The following PEX5L variants were observed in gnomAD, a reference collection of about 807,000 sequenced individuals.
The protein encoded by PEX5L is peroxisomal biogenesis factor 5 like, also known as PEX5-related protein.
PEX5L carries 30 observed loss-of-function variants against 84.0 expected under a neutral mutation model. That is an observed-to-expected ratio of 0.36 (90% CI 0.27 to 0.48). The LOEUF is 0.48. Ranked by LOEUF, PEX5L falls within the 20% of genes least tolerant of loss-of-function variation. The pLI is 0.99. For synonymous variants in PEX5L, 270 were observed against 283.1 expected, an observed-to-expected ratio of 0.95 and a Z score of 0.46; for missense variants, 533 against 754.6, an observed-to-expected ratio of 0.71 and a Z score of 3.44.
At chr3:179,807,258 GA>G (rs71789036) in intron 14 of PEX5L, among the ~76,000 whole-genome samples, 35,075 of 152,066 alleles carry the variant, frequency 0.23, 4,531 homozygotes, top group African/African-American at 0.36. Flanking sequence ...GGGACTTTCT[GA>G]AAGTCATTTT....
At chr3:179,848,551 C>CAA (rs377561010) in intron 8 of PEX5L, among the ~76,000 whole-genome samples, 1,693 of 95,670 alleles carry the variant, frequency 0.018, 29 homozygotes, top group African/African-American at 0.032. Context: ...AAACCTCTCT[C>CAA]AAAAAAAAAA....
intron 5 of PEX5L, among the ~76,000 whole-genome samples, chr3:179,878,713 A>G (rs1411727448): frequency 6.6e-6 from 1 of 152,190 alleles, no homozygotes; most frequent in Non-Finnish European, 1.5e-5. Context: ...CAGCTCACAT[A>G]GTACCTCTTG....
At chr3:179,815,276 C>T (rs770157939) in intron 10 of PEX5L, among the ~76,000 whole-genome samples, 9 of 152,172 alleles carry the variant, frequency 5.9e-5, no homozygotes, top group Non-Finnish European at 1.0e-4. Context: ...TGAAAACTAC[C>T]GCTATATACT....
Position 179,890,310 on chromosome 3 carries a change from T to C in PEX5L, c.199-2526A>G, listed in dbSNP as rs141466151. On this transcript the variant is annotated intron_variant, in intron 3 of 14. Transcript: ENST00000467460. ...TACCATCAAATATGGCACCACCCTA[T>C]ACGCATAGAAATTATTGTAACAGGG... Among the ~76,000 whole-genome samples the C allele has an allele frequency of 1.2e-3, 176 of 152,308 alleles. 1 individual carries two copies. Among genetic ancestry groups the C allele is most frequent in the African/African-American group, 4.1e-3 (169 of 41,570 alleles).
At chr3:179,963,147 T>G (rs1382046908) in intron 2 of PEX5L, among the ~76,000 whole-genome samples, 1 of 152,216 alleles carries the variant, frequency 6.6e-6, no homozygotes, top group South Asian at 2.1e-4. Context: ...GTGAGTTAGT[T>G]GCATTACTGC....
At chr3:179,931,041 T>C (rs950885526) in intron 2 of PEX5L, among the ~76,000 whole-genome samples, 1 of 152,100 alleles carries the variant, frequency 6.6e-6, no homozygotes, top group African/African-American at 2.4e-5. Flanking sequence ...AATGAATAAA[T>C]TAAAAAACAC....
Position 179,844,960 on chromosome 3 carries a change from T to C in PEX5L, c.822+14102A>G, listed in dbSNP as rs1419753620. On this transcript the variant is annotated intron_variant, in intron 8 of 14. Transcript: ENST00000467460. ...CTATCATTACAGAAACATACCTAAG[T>C]TTAACTCACCCAGATTGGTCATACT... is the stretch of plus-strand genomic sequence containing the variant. Among the ~76,000 whole-genome samples, 11 of 152,228 alleles carry C rather than the reference T, an allele frequency of 7.2e-5. No individual in the cohort carries two copies. In the East Asian group the frequency reaches 2.1e-3, roughly 29 times the overall value.
intron 1 of PEX5L, among the ~76,000 whole-genome samples, chr3:179,994,775 C>T (rs1053241367): frequency 2.6e-5 from 4 of 152,040 alleles, no homozygotes; most frequent in African/African-American, 9.7e-5. Context: ...AATCAGCTGC[C>T]AGCGTGACTA....
Position 180,009,431 on chromosome 3 carries a change from T to A in PEX5L, c.21+27148A>T, listed in dbSNP as rs1789220908. On this transcript the variant is annotated intron_variant, in intron 1 of 14. Transcript: ENST00000467460. ...ATATTCAGACTTCCTCCAAAAAGCA[T>A]GTGAAGCAGTTTTACAAATGTAAGC... 2.0e-5 allele frequency among the ~76,000 whole-genome samples: 3 copies of A among 152,264 alleles called. No homozygotes were observed. In the South Asian group the frequency reaches 6.2e-4, roughly 32 times the overall value.
chr3:179,819,822 GA>G (rs1560224679), intron 9 of PEX5L, 37 bp downstream of exon 9: 17 of 1,579,918 alleles, frequency 1.1e-5, no homozygotes, highest in African/African-American at 1.3e-5. Flanking sequence ...AAAAGGTGGA[GA>G]AAAGTAGTCA....
chr3:179,815,741 A>T, intron 10 of PEX5L, 120 bp downstream of exon 10: 1 of 1,058,918 alleles, frequency 9.4e-7, no homozygotes, highest in Non-Finnish European at 1.4e-6. Flanking sequence ...AGACTAAGCT[A>T]GGTTAACTCC....
intron 1 of PEX5L, among the ~76,000 whole-genome samples, chr3:180,012,926 T>C (rs1460105001): frequency 6.6e-6 from 1 of 152,100 alleles, no homozygotes; most frequent in Admixed American, 6.5e-5. Context: ...ATTCATAACA[T>C]GGAGCTTAAA....
At chr3:180,024,347 A>ATATATATATATATATATAT (rs1790707676) in intron 1 of PEX5L, among the ~76,000 whole-genome samples, 2 of 107,636 alleles carry the variant, frequency 1.9e-5, no homozygotes, top group Non-Finnish European at 3.7e-5. Context: ...GTCCCTACTA[A>ATATATATATATATATATAT]ATATATATAT....
At chr3:179,997,845 G>C (rs987415434) in intron 1 of PEX5L, among the ~76,000 whole-genome samples, 2 of 152,240 alleles carry the variant, frequency 1.3e-5, no homozygotes, top group African/African-American at 4.8e-5. Context: ...AGGCCCACCA[G>C]AAGCAATTTG....
At chr3:180,030,079 A>G (rs1278659948) in intron 1 of PEX5L, among the ~76,000 whole-genome samples, 1 of 152,154 alleles carries the variant, frequency 6.6e-6, no homozygotes, top group Non-Finnish European at 1.5e-5. Context: ...GCTCTGTCAG[A>G]GGCTCACCCA....
chr3:179,864,355 T>C (rs1747369487), intron 7 of PEX5L, among the ~76,000 whole-genome samples: 1 of 152,082 alleles, frequency 6.6e-6, no homozygotes, highest in Admixed American at 6.6e-5. Flanking sequence ...TTCAGCCTTA[T>C]ACAAGAAAGA....
rs1406166750 is a variant in PEX5L at position 179,800,805 on chromosome 3, G to A, written c.*1023C>T. On this transcript the variant is annotated 3_prime_UTR_variant, in exon 15 of 15. Coordinates refer to ENST00000467460, the MANE Select transcript of PEX5L (RefSeq NM_016559.3). ...AGAAATATTATTTAAAATATTTATG[G>A]TTTAAAAGGAATATTGGTGTGCAGG... 2 of 152,188 alleles carry A rather than the reference G, an allele frequency of 1.3e-5. No individual in the cohort carries two copies. The highest frequency in any genetic ancestry group is 2.4e-5 in the African/African-American group (1 of 41,450). The allele number at this position is 152,188 out of a possible 1,614,324, so 9.4% of individuals were successfully genotyped here.
rs1013242202 is a variant in PEX5L at position 179,981,998 on chromosome 3, T to G, written c.22-10333A>C. On this transcript the variant is annotated intron_variant, in intron 1 of 14. Coordinates refer to ENST00000467460, the MANE Select transcript of PEX5L (RefSeq NM_016559.3). ...ATATTTACTTAAATGTATTTGAGGA[T>G]ATCATCAAACCTAATGTGTTTTTAA... 5.9e-5 allele frequency among the ~76,000 whole-genome samples: 9 copies of G among 152,358 alleles called. 1 individual carries two copies. The highest frequency in any genetic ancestry group is 2.2e-4 in the African/African-American group (9 of 41,576).
At chr3:179,907,580 C>T in intron 2 of PEX5L, among the ~76,000 whole-genome samples, 1 of 152,080 alleles carries the variant, frequency 6.6e-6, no homozygotes, top group Non-Finnish European at 1.5e-5. Context: ...TCTCATTGTG[C>T]TGAGATTACA....
Sources: allele counts gnomAD v4.1 joint callset (sites outside exome capture counted in the v4.1 genomes callset), GRCh38; gene constraint gnomAD v4.1.1; transcripts MANE v1.5; gene names NCBI Gene and HGNC (gene_info 2026-07-23, HGNC 2026-07-21).